Variants in PARD3B observed in about 807,000 individuals in gnomAD.
PARD3B encodes par-3 family cell polarity regulator beta.
Under a neutral mutation model 130.2 loss-of-function variants are expected in PARD3B, and 103 were observed. The observed-to-expected ratio is 0.79, with a 90% CI of 0.67 to 0.93. PARD3B has a LOEUF of 0.93. Among genes scored for constraint, PARD3B ranks in the 40% least tolerant of loss-of-function variants. PARD3B has a pLI of 0.00. For synonymous variants in PARD3B, 583 were observed against 553.2 expected (o/e 1.05, Z -0.76); for missense variants, 1,609 against 1,499.2 (o/e 1.07, Z -1.21).
At chr2:204,601,430 A>G (rs1013612261) in intron 1 of PARD3B, among the ~76,000 whole-genome samples, 5 of 152,032 alleles carry the variant, frequency 3.3e-5, no homozygotes, top group Admixed American at 2.0e-4. Flanking sequence ...TTTTTAATAT[A>G]TAAAAAGCTT....
intron 16 of PARD3B, 122 bp downstream of exon 16, chr2:205,245,944 G>A (rs866652690): frequency 5.3e-6 from 4 of 757,858 alleles, no homozygotes; most frequent in African/African-American, 1.7e-5. Context: ...TAATACATGA[G>A]ATGTCTCTGA....
At chr2:204,911,918 TAAA>T (rs139641848) in intron 2 of PARD3B, among the ~76,000 whole-genome samples, 1 of 151,852 alleles carries the variant, frequency 6.6e-6, no homozygotes, top group Admixed American at 6.6e-5. Flanking sequence ...AAAATGAAAC[TAAA>T]AAAAACAAAA....
At chr2:205,212,159 AAT>A (rs1257173322) in intron 15 of PARD3B, among the ~76,000 whole-genome samples, 1 of 151,626 alleles carries the variant, frequency 6.6e-6, no homozygotes, top group Non-Finnish European at 1.5e-5. Context: ...AAGATTGAAG[AAT>A]ATATTTGTTA....
chr2:205,383,234 T>G lies in PARD3B; in HGVS notation c.2631-17779T>G, dbSNP rs116594124. 4.3e-3 allele frequency among the ~76,000 whole-genome samples: 648 copies of G among 152,202 alleles called. 6 individuals are homozygous for G. Among genetic ancestry groups the G allele is most frequent in the African/African-American group, 0.014 (584 of 41,558 alleles). On this transcript the variant is annotated intron_variant, in intron 18 of 22. Coordinates refer to ENST00000406610, the MANE Select transcript of PARD3B (RefSeq NM_001302769.2). ...CATGAGTTTATACTGATACCTCCAA[T>G]TCTAATCCAATACCACAGTAATCAT... is the stretch of plus-strand genomic sequence containing the variant.
intron 2 of PARD3B, among the ~76,000 whole-genome samples, chr2:204,829,062 T>A (rs894314416): frequency 1.8e-4 from 28 of 152,234 alleles, no homozygotes; most frequent in Non-Finnish European, 5.9e-5. Context: ...TGTAACTGTT[T>A]CATTGAAGTT....
intron 6 of PARD3B, among the ~76,000 whole-genome samples, chr2:205,115,161 G>C (rs1703938159): frequency 6.6e-6 from 1 of 152,102 alleles, no homozygotes; most frequent in Admixed American, 6.6e-5. Context: ...TGATCCTATA[G>C]ATCAGAAATC....
rs141406625 is a variant in PARD3B, at chr2:204,611,556, C to T, written c.120+65437C>T. On this transcript the variant is annotated intron_variant, in intron 1 of 22. Transcript: ENST00000406610. ...ATAAAAAGTCTGTTTTAAAGTTATACGACCTCTCCTGTTCTTCCTCATCTC... is the reference window on the plus strand; with the variant it reads ...ATAAAAAGTCTGTTTTAAAGTTATATGACCTCTCCTGTTCTTCCTCATCTC... Among the ~76,000 whole-genome samples the T allele has an allele frequency of 2.7e-3, 405 of 152,204 alleles. 3 individuals carry two copies. The highest frequency in any genetic ancestry group is 9.4e-3 in the African/African-American group (390 of 41,536).
intron 2 of PARD3B, among the ~76,000 whole-genome samples, chr2:204,786,012 G>A (rs2125462141): frequency 6.6e-6 from 1 of 151,900 alleles, no homozygotes; most frequent in South Asian, 2.1e-4. Flanking sequence ...CACTCAGGAG[G>A]CTGTGGCAGG....
intron 18 of PARD3B, among the ~76,000 whole-genome samples, chr2:205,326,655 A>G (rs913231112): frequency 2.0e-4 from 31 of 152,198 alleles, no homozygotes; most frequent in Non-Finnish European, 4.4e-4. Context: ...GAGGCTTGAT[A>G]TAATTAAATG....
intron 18 of PARD3B, among the ~76,000 whole-genome samples, chr2:205,387,936 A>G (rs1235024946): frequency 6.6e-6 from 1 of 152,196 alleles, no homozygotes; most frequent in African/African-American, 2.4e-5. Context: ...CACCTCTGTC[A>G]TCTGAATAAA....
chr2:204,756,506 C>G (rs2040681334), intron 2 of PARD3B, among the ~76,000 whole-genome samples: 1 of 151,994 alleles, frequency 6.6e-6, no homozygotes, highest in Non-Finnish European at 1.5e-5. Flanking sequence ...AATGCTGCAG[C>G]AGGATATAAA....
Position 205,488,263 on chromosome 2 carries a change from G to A in PARD3B, c.3045-11633G>A, listed in dbSNP as rs1163395136. ...CTGGAAGACAATTTTTCCACAGGGC[G>A]GGGGGTGTTGGGGGTTGGGGAACAC... On this transcript the variant is annotated intron_variant, in intron 20 of 22. Coordinates refer to ENST00000406610, the MANE Select transcript of PARD3B (RefSeq NM_001302769.2). 4.6e-5 allele frequency among the ~76,000 whole-genome samples: 7 copies of A among 151,998 alleles called. No individual in the cohort carries two copies. In the East Asian group the frequency reaches 7.7e-4, roughly 17 times the overall value.
chr2:204,965,144 G>A lies in PARD3B; in HGVS notation c.223-8G>A, dbSNP rs528850970. The A allele has an allele frequency of 4.7e-5, 76 of 1,612,650 alleles. No homozygotes were observed. The East Asian group carries it at 1.7e-3, about 36-fold the overall frequency. ...CAAAGTAATTAGTGTTGTTGGATTT[G>A]TTTGTAGCTGATTGCTGTGTTTGAA... is the stretch of plus-strand genomic sequence containing the variant. On this transcript the variant is annotated splice_region_variant and splice_polypyrimidine_tract_variant and intron_variant, in intron 2 of 22. Transcript: ENST00000406610.
At chr2:205,082,649 G>A (rs981653331) in intron 4 of PARD3B, among the ~76,000 whole-genome samples, 1 of 151,512 alleles carries the variant, frequency 6.6e-6, no homozygotes, top group Non-Finnish European at 1.5e-5. Flanking sequence ...TGATTTCATT[G>A]ATTTTGTTTC....
At chr2:205,103,254 C>CATATTTTATATTTATGTAAAATAAACAT (rs149583998) in intron 4 of PARD3B, among the ~76,000 whole-genome samples, 2 of 76,670 alleles carry the variant, frequency 2.6e-5, no homozygotes, top group Non-Finnish European at 6.0e-5. Context: ...ATGTAAAAAA[C>CATATTTTATATTTATGTAAAATAAACAT]ATTTTATATT....
At position 204,959,676 on chromosome 2, in the gene PARD3B, A is replaced by G. The variant is rs938433736; in HGVS notation, c.223-5476A>G. Among the ~76,000 whole-genome samples, 3 of 152,200 alleles carry G rather than the reference A, an allele frequency of 2.0e-5. 1 individual carries two copies. Among genetic ancestry groups the G allele is most frequent in the African/African-American group, 7.2e-5 (3 of 41,446 alleles). On this transcript the variant is annotated intron_variant, in intron 2 of 22. Coordinates refer to ENST00000406610, the MANE Select transcript of PARD3B (RefSeq NM_001302769.2). ...TACAAGGTAAAGGAATGAGAAAAAT[A>G]TGGAATGAGTTTCTAAAATAAGGTT...
chr2:204,817,817 A>G (rs1015773143), intron 2 of PARD3B, among the ~76,000 whole-genome samples: 4 of 152,178 alleles, frequency 2.6e-5, no homozygotes, highest in African/African-American at 9.7e-5. Flanking sequence ...AGCAGTTAAT[A>G]GAGCTCACCG....
rs1232263174 is a variant in PARD3B, at chr2:204,664,432, G to A, written c.121-21749G>A. ...AAAGCAAATAAAATTTTTGCCAGAC[G>A]GGGCATAACTAAATGCTTACCACCC... is the stretch of plus-strand genomic sequence containing the variant. On this transcript the variant is annotated intron_variant, in intron 1 of 22. Transcript: ENST00000406610. The surrounding 1 kb of genome is among the most constrained non-coding windows in gnomAD (Gnocchi z 5.2). Among the ~76,000 whole-genome samples, 6 of 152,244 alleles carry A rather than the reference G, an allele frequency of 3.9e-5. No homozygotes were observed. In the East Asian group the frequency reaches 7.7e-4, roughly 20 times the overall value.
chr2:205,533,485 C>T (rs2051694311), intron 21 of PARD3B, among the ~76,000 whole-genome samples: 1 of 152,126 alleles, frequency 6.6e-6, no homozygotes, highest in Admixed American at 6.5e-5. Context: ...TTTCTTACCC[C>T]TATACCTTTA....
Sources: allele counts gnomAD v4.1 joint callset (sites outside exome capture counted in the v4.1 genomes callset), GRCh38; gene constraint gnomAD v4.1.1; non-coding constraint Gnocchi (gnomAD v3.1); transcripts MANE v1.5; gene names NCBI Gene and HGNC (gene_info 2026-07-23, HGNC 2026-07-21).